The following PKD1 variants were observed in gnomAD, a reference collection of about 807,000 sequenced individuals.
The protein encoded by PKD1 is polycystin-1.
Under a neutral mutation model 361.7 loss-of-function variants are expected in PKD1, and 81 were observed. That is an observed-to-expected ratio of 0.22 (90% CI 0.19 to 0.27). The LOEUF (loss-of-function observed/expected upper bound fraction) is 0.27. Ranked by LOEUF, PKD1 falls within the 10% of genes least tolerant of loss-of-function variation. PKD1 has a pLI of 1.00. For synonymous variants in PKD1, 3,615 were observed against 2,818.3 expected (o/e 1.28, Z -8.95); for missense variants, 6,399 against 6,118.3 (o/e 1.05, Z -1.53).
At position 2,099,652 on chromosome 16, in the gene PKD1, G is replaced by T. The variant is rs769208706; in HGVS notation, c.10042C>A (p.Arg3348=). The stretch of plus-strand genomic sequence containing the variant: ...CCCCAGCCCCAGCCCACCTTGCTCC[G>T]GGACATCCGGAAGAGAAAAAGGATG... ...LAILFLFRMS[R]SKVAGSPSPT... The change falls in exon 30 of 46, where the codon CGG becomes AGG. Residue 3348 remains arginine (R), a synonymous_variant. Coordinates refer to ENST00000262304, the MANE Select transcript of PKD1 (RefSeq NM_001009944.3). The T allele has an allele frequency of 2.5e-6, 4 of 1,591,246 alleles. No homozygotes were observed. The highest frequency in any genetic ancestry group is 3.4e-6 in the Non-Finnish European group (4 of 1,177,156).
At position 2,111,285 on chromosome 16, in the gene PKD1, C is replaced by G; in HGVS notation, c.3882G>C (p.Leu1294=). The change falls in exon 15 of 46, where the codon CTG becomes CTC. Residue 1294 remains leucine (L), a synonymous_variant. Coordinates refer to ENST00000262304, the MANE Select transcript of PKD1 (RefSeq NM_001009944.3). ...CGGCGGGTTCAACGCGCAGCACCTC[C>G]AGGACGAAGACCAGCACGTGCAGGC... ...ARSLHVLVFV[L]EVLRVEPAAC... is the part of the protein sequence containing the mutation. 1 of 1,609,604 alleles carries G rather than the reference C, an allele frequency of 6.2e-7. No homozygotes were observed. Among genetic ancestry groups the G allele is most frequent in the Middle Eastern group, 1.8e-4 (1 of 5,450 alleles).
At chr16:2,125,201 C>T (rs994675234) in intron 1 of PKD1, among the ~76,000 whole-genome samples, 1 of 152,182 alleles carries the variant, frequency 6.6e-6, no homozygotes, top group Non-Finnish European at 1.5e-5. Flanking sequence ...TGGGACGGTG[C>T]TCATTTGAAA....
At chr16:2,091,248 C>A (rs1225795749) in intron 42 of PKD1, 74 bp from the exon 43 acceptor site, 6 of 437,648 alleles carry the variant, frequency 1.4e-5, no homozygotes, top group African/African-American at 3.0e-5. Context: ...GGGACGCTGC[C>A]GGGGCGGGGC....
intron 16 of PKD1, 159 bp from the exon 17 acceptor site, chr16:2,107,107 A>G: frequency 9.6e-6 from 7 of 726,670 alleles, no homozygotes; most frequent in South Asian, 6.0e-5. Context: ...CCGGTTTGCC[A>G]CCTTCCAACT....
In PKD1 at chr16:2,119,284, T is replaced by C. The variant is rs761754346; in HGVS notation, c.287+23A>G. 2.0e-5 allele frequency: 22 copies of C among 1,078,196 alleles called. No individual in the cohort carries two copies. In the South Asian group the frequency reaches 2.1e-4, roughly 10 times the overall value. 66.8% of individuals were successfully genotyped at this position (1,078,196 alleles called of 1,614,324 possible). ...CCCACCCGGAGTGAGCCCCGCATGC[T>C]GGCACGACTGGGGGACACTCACAGC... On this transcript the variant is annotated intron_variant, in intron 2 of 45. Coordinates refer to ENST00000262304, the MANE Select transcript of PKD1 (RefSeq NM_001009944.3).
chr16:2,130,112 T>C (rs936326880), intron 1 of PKD1, among the ~76,000 whole-genome samples: 10 of 152,196 alleles, frequency 6.6e-5, no homozygotes, highest in South Asian at 4.1e-4. Flanking sequence ...TTTGGCGAGT[T>C]TGCATCCGCG....
In PKD1 at chr16:2,090,389, G is replaced by A. The variant is rs1468284749; in HGVS notation, c.12340C>T (p.Arg4114Cys). 1.1e-5 allele frequency: 18 copies of A among 1,612,532 alleles called. 1 individual carries two copies. Among genetic ancestry groups the A allele is most frequent in the Middle Eastern group, 1.6e-4 (1 of 6,084 alleles). Residue 4114 changes from arginine to cysteine, a missense_variant, in exon 45 of 46, where the codon CGT (arginine) becomes TGT (cysteine). Physicochemically the swap from Arg to Cys is radical, Grantham distance 180. Coordinates refer to ENST00000262304, the MANE Select transcript of PKD1 (RefSeq NM_001009944.3). The part of the protein sequence containing the change: ...VILRWRYHAL[R>C]GELYRPAWEP... ...CAGGCCGGCCGGTACAGCTCTCCAC[G>A]CAAGGCGTGGTAGCGCCAGCGGAGA... is the stretch of plus-strand genomic sequence containing the variant.
intron 1 of PKD1, among the ~76,000 whole-genome samples, chr16:2,126,015 GC>G (rs962368167): frequency 1.3e-5 from 2 of 150,942 alleles, no homozygotes; most frequent in Non-Finnish European, 2.9e-5. Flanking sequence ...GGGGGGGGGG[GC>G]AAGCAAACTG....
Position 2,090,462 on chromosome 16 carries a change from C to T in PKD1, c.12267G>A (p.Gly4089=). The change falls in exon 45 of 46, where the codon GGG becomes GGA. Residue 4089 remains glycine, a synonymous_variant. Transcript: ENST00000262304. ...SWHLSPLLCV[G]LWALRLWGAL... is the part of the protein sequence containing the mutation. ...CGCCCCACAGCCGCAGTGCCCAGAG[C>T]CCCACACACAGCAGGGGTGACAGGT... The T allele has an allele frequency of 6.2e-6, 10 of 1,612,324 alleles. No individual in the cohort carries two copies. Among genetic ancestry groups the T allele is most frequent in the Admixed American group, 1.7e-5 (1 of 59,982 alleles).
intron 11 of PKD1, 34 bp downstream of exon 11, chr16:2,114,136 T>G: frequency 6.3e-7 from 1 of 1,584,392 alleles, no homozygotes; most frequent in Non-Finnish European, 8.6e-7. Flanking sequence ...GGCACCTGCC[T>G]GGGGGCTGGT....
In PKD1 at chr16:2,114,175, G is replaced by A. The variant is rs368272435; in HGVS notation, c.2848C>T (p.Leu950=). ...SPEARVLQGV[L]VRYSPVVEAG... ...GGAGCCTCGGCCATACTCACCACTAGGACTCCCTGCAGTACACGGGCCTCG... is the reference window on the plus strand; with the variant it reads ...GGAGCCTCGGCCATACTCACCACTAAGACTCCCTGCAGTACACGGGCCTCG... The change falls in exon 11 of 46, where the codon CTA becomes TTA. Residue 950 remains leucine, a synonymous_variant. Transcript: ENST00000262304. 1.9e-6 allele frequency: 3 copies of A among 1,605,332 alleles called. No individual in the cohort carries two copies. Among genetic ancestry groups the A allele is most frequent in the Non-Finnish European group, 2.5e-6 (3 of 1,179,502 alleles).
Position 2,112,904 on chromosome 16 carries a change from C to A in PKD1, c.3045G>T (p.Arg1015=). The A allele has an allele frequency of 2.5e-6, 4 of 1,606,806 alleles. No homozygotes were observed. The highest frequency in any genetic ancestry group is 1.1e-5 in the South Asian group (1 of 90,990). ...CCTGCAGACCCTGCATCCTGTTCAT[C>A]CGCTCCACGGTTACGTTGTAGTTCA... ...VTVNYNVTVE[R]MNRMQGLQVS... Residue 1015 remains arginine (R), a synonymous_variant, in exon 13 of 46, where the codon CGG becomes CGT. Transcript: ENST00000262304.
chr16:2,096,942 C>A (rs1179541539), intron 34 of PKD1: 1 of 599,862 alleles, frequency 1.7e-6, no homozygotes, highest in South Asian at 2.0e-5. Flanking sequence ...AGCCTGCTCC[C>A]TCCCTAGAGG....
At position 2,100,346 on chromosome 16, in the gene PKD1, C is replaced by T. The variant is rs762180105; in HGVS notation, c.9569-37G>A. 62 of 1,610,008 alleles carry T rather than the reference C, an allele frequency of 3.9e-5. No homozygotes were observed. Among genetic ancestry groups the T allele is most frequent in the Middle Eastern group, 2.2e-4 (1 of 4,450 alleles). ...CAGGAGGGAGGTCAGGCTCGCAGGG[C>T]GCCCCAATGCGGGGGCAGAGGGGCA... On this transcript the variant is annotated intron_variant, in intron 27 of 45. Transcript: ENST00000262304. This position sits in a 1 kb window ranked among gnomAD's most constrained non-coding sequence, Gnocchi z 4.4.
chr16:2,109,378 A>T lies in PKD1; in HGVS notation c.5789T>A (p.Val1930Glu). The T allele has an allele frequency of 6.3e-7, 1 of 1,593,806 alleles. No homozygotes were observed. Among genetic ancestry groups the T allele is most frequent in the South Asian group, 1.1e-5 (1 of 90,828 alleles). The part of the protein sequence containing the change: ...RLQVGGANPE[V>E]LPGPRFSHSF... ...GTGGGAGAAACGGGGCCCGGGGAGC[A>T]CCTCGGGGTTGGCCCCGCCGACCTG... Residue 1930 changes from valine to glutamate, a missense_variant, in exon 15 of 46, where the codon GTG (valine) becomes GAG (glutamate). Transcript: ENST00000262304.
chr16:2,132,703 C>T (rs2575302), intron 1 of PKD1, among the ~76,000 whole-genome samples: 3 of 151,572 alleles, frequency 2.0e-5, no homozygotes, highest in African/African-American at 7.3e-5. Context: ...CATGAAGGAA[C>T]TGTCTGTTGT....
At chr16:2,105,560 A>G in intron 20 of PKD1, 86 bp from the exon 21 acceptor site, 1 of 1,594,746 alleles carries the variant, frequency 6.3e-7, no homozygotes, top group Admixed American at 1.7e-5. Context: ...CCCGGGGTGC[A>G]GTTACGTGCT....
At position 2,100,735 on chromosome 16, in the gene PKD1, C is replaced by T; in HGVS notation, c.9398-169G>A. On this transcript the variant is annotated intron_variant, in intron 26 of 45. Coordinates refer to ENST00000262304, the MANE Select transcript of PKD1 (RefSeq NM_001009944.3). This position sits in a 1 kb window ranked among gnomAD's most constrained non-coding sequence, Gnocchi z 4.4. ...AGGAGCTGCGGTTACTGCAATTTGTCCAATTAACAGCAGGACCTCAAGGAC... is the reference window on the plus strand; with the variant it reads ...AGGAGCTGCGGTTACTGCAATTTGTTCAATTAACAGCAGGACCTCAAGGAC... 1.6e-6 allele frequency: 1 copy of T among 618,458 alleles called. No individual in the cohort carries two copies. 38.3% of individuals were successfully genotyped at this position (618,458 alleles called of 1,614,324 possible). A position where few individuals can be genotyped will look rare whatever the true frequency, so the allele number is the denominator to read the frequency against.
Position 2,093,852 on chromosome 16 carries a change from C to T in PKD1, c.10780G>A (p.Ala3594Thr), listed in dbSNP as rs1258004081. 5.1e-6 allele frequency: 8 copies of T among 1,565,440 alleles called. No homozygotes were observed. The Admixed American group carries it at 5.4e-5, about 11-fold the overall frequency. ...VSVAWLLSSS[A>T]SFLASFLGWE... Reference sequence around the variant, plus strand: ...CCGAGGAATGAGGCCAGGAAGCTGGCGCTGCTGGACAGGAGCCACGCAACA... The same window carrying T: ...CCGAGGAATGAGGCCAGGAAGCTGGTGCTGCTGGACAGGAGCCACGCAACA... Residue 3594 changes from alanine (A) to threonine (T), a missense_variant, in exon 36 of 46, where the codon GCC becomes ACC. Coordinates refer to ENST00000262304, the MANE Select transcript of PKD1 (RefSeq NM_001009944.3).
Sources: allele counts gnomAD v4.1 joint callset (sites outside exome capture counted in the v4.1 genomes callset), GRCh38; gene constraint gnomAD v4.1.1; non-coding constraint Gnocchi (gnomAD v3.1); transcripts MANE v1.5; gene names NCBI Gene and HGNC (gene_info 2026-07-23, HGNC 2026-07-21).